HIF3A: variants seen among roughly 807,000 people sequenced by gnomAD.
HIF3A encodes the protein hypoxia-inducible factor 3-alpha.
A neutral mutation model predicts 67.2 loss-of-function variants in HIF3A; 41 were observed. That is an observed-to-expected ratio of 0.61 (90% CI 0.48 to 0.79). HIF3A has a LOEUF of 0.79. HIF3A is among the 30% of genes least tolerant of loss of function. HIF3A has a pLI of 0.00. For synonymous variants in HIF3A, 356 were observed against 374.8 expected (o/e 0.95, Z 0.58); for missense variants, 855 against 898.0 (o/e 0.95, Z 0.61).
intron 13 of HIF3A, among the ~76,000 whole-genome samples, chr19:46,332,593 C>T (rs1971313517): frequency 6.6e-6 from 1 of 152,186 alleles, no homozygotes; most frequent in Admixed American, 6.5e-5. Context: ...TGCAAGGCCT[C>T]CCTCTAGGAC....
rs1168577004 is a variant in HIF3A at position 46,308,419 on chromosome 19, G to T, written c.448+114G>T. 12 of 735,800 alleles carry T rather than the reference G, an allele frequency of 1.6e-5. No individual in the cohort carries two copies. In the East Asian group the frequency reaches 2.8e-4, roughly 17 times the overall value. 45.6% of individuals were successfully genotyped at this position (735,800 alleles called of 1,614,324 possible). A position where few individuals can be genotyped will look rare whatever the true frequency, so the allele number is the denominator to read the frequency against. ...AACACCAGACTAAGACAAGTAGGAA[G>T]AGGAGAGATGGCCCTGCCCTGGGGT... is the stretch of plus-strand genomic sequence containing the variant. On this transcript the variant is annotated intron_variant, in intron 4 of 14. Transcript: ENST00000377670.
intron 1 of HIF3A, among the ~76,000 whole-genome samples, chr19:46,301,701 CTG>C (rs570725390): frequency 1.1e-4 from 17 of 152,036 alleles, no homozygotes; most frequent in African/African-American, 4.1e-4. Flanking sequence ...TGGCAGATGT[CTG>C]TAATCCCAGC....
chr19:46,312,441 C>A, intron 7 of HIF3A, 65 bp from the exon 8 acceptor site: 1 of 1,598,378 alleles, frequency 6.3e-7, no homozygotes, highest in South Asian at 1.1e-5. Context: ...ATACCCAGTC[C>A]CCAGATATTT....
At position 46,305,302 on chromosome 19, in the gene HIF3A, C is replaced by A; in HGVS notation, c.275C>A (p.Ala92Asp). The A allele has an allele frequency of 6.2e-7, 1 of 1,614,094 alleles. No homozygotes were observed. ...CCACTGGATGCCTGCTACCTGAAGGCCCTGGAGGGCTTCGTCATGGTGCTC... is the reference window on the plus strand; with the variant it reads ...CCACTGGATGCCTGCTACCTGAAGGACCTGGAGGGCTTCGTCATGGTGCTC... Reference protein sequence around the residue: ...GEPLDACYLKALEGFVMVLTA... With the variant: ...GEPLDACYLKDLEGFVMVLTA... The change falls in exon 3 of 15, where the codon GCC becomes GAC. Residue 92 changes from alanine (A) to aspartate (D), a missense_variant. By Grantham distance (126) the Ala-to-Asp change is moderately radical. Around this residue, in one of 3 missense-constraint regions of HIF3A, gnomAD observed 638 missense variants for 660.5 expected, o/e 0.97. Transcript: ENST00000377670.
At chr19:46,312,024 C>A (rs1375172926) in intron 6 of HIF3A, 137 bp from the exon 7 acceptor site, 1 of 784,198 alleles carries the variant, frequency 1.3e-6, no homozygotes, top group African/African-American at 1.7e-5. Context: ...CTGTTTCTTA[C>A]TCCTTTTCTC....
Position 46,308,690 on chromosome 19 carries a change from C to T in HIF3A, c.476C>T (p.Pro159Leu), listed in dbSNP as rs748141870. Residue 159 changes from proline (P) to leucine (L), a missense_variant, in exon 5 of 15, where the codon CCC (proline) becomes CTC (leucine). Around this residue, in one of 3 missense-constraint regions of HIF3A, gnomAD observed 638 missense variants for 660.5 expected, o/e 0.97. Coordinates refer to ENST00000377670, the MANE Select transcript of HIF3A (RefSeq NM_152795.4). ...QTLSRRKVEAPTERCFSLRMK... is the reference protein window; with the variant it reads ...QTLSRRKVEALTERCFSLRMK... Reference sequence around the variant, plus strand: ...CTGTCCAGGAGGAAGGTGGAGGCCCCCACGGAGCGGTGCTTCTCCTTGCGC... The same window carrying T: ...CTGTCCAGGAGGAAGGTGGAGGCCCTCACGGAGCGGTGCTTCTCCTTGCGC... 1.2e-6 allele frequency: 2 copies of T among 1,608,964 alleles called. No homozygotes were observed. Among genetic ancestry groups the T allele is most frequent in the Non-Finnish European group, 1.7e-6 (2 of 1,178,068 alleles).
chr19:46,303,809 G>T (rs1056553130), intron 1 of HIF3A, 89 bp from the exon 2 acceptor site: 3 of 1,516,550 alleles, frequency 2.0e-6, no homozygotes, highest in African/African-American at 1.4e-5. Flanking sequence ...CACGAGCCCC[G>T]GCCCCACGTG....
Position 46,297,313 on chromosome 19 carries a change from G to A in HIF3A, c.26+211G>A, listed in dbSNP as rs1359800584. 2.0e-5 allele frequency among the ~76,000 whole-genome samples: 3 copies of A among 152,134 alleles called. No homozygotes were observed. Among genetic ancestry groups the A allele is most frequent in the Admixed American group, 1.3e-4 (2 of 15,288 alleles). ...ACGTCTCTGGCTGCCCCGCCCCTCT[G>A]GCCAAGAGCGGCTTCGGGGTTCCCG... is the stretch of plus-strand genomic sequence containing the variant. On this transcript the variant is annotated intron_variant, in intron 1 of 14. Coordinates refer to ENST00000377670, the MANE Select transcript of HIF3A (RefSeq NM_152795.4). This position sits in a 1 kb window ranked among gnomAD's most constrained non-coding sequence, Gnocchi z 4.5.
intron 4 of HIF3A, 169 bp from the exon 5 acceptor site, chr19:46,308,494 T>A (rs535068598): frequency 1.6e-6 from 1 of 630,406 alleles, no homozygotes; most frequent in South Asian, 2.0e-5. Flanking sequence ...GACACAGCCC[T>A]GCCCTGGGGG....
chr19:46,339,656 C>T lies in HIF3A; in HGVS notation c.*34C>T. On this transcript the variant is annotated 3_prime_UTR_variant, in exon 15 of 15. Transcript: ENST00000377670. The stretch of plus-strand genomic sequence containing the variant: ...CTCTCCCCATCTGCCTTCTCCTCCC[C>T]CAGAAAGGACCTCAACCACACTCCA... The T allele has an allele frequency of 1.4e-6, 2 of 1,475,968 alleles. No individual in the cohort carries two copies. The highest frequency in any genetic ancestry group is 1.2e-5 in the South Asian group (1 of 83,088). The allele number at this position is 1,475,968 out of a possible 1,614,324, so 91.4% of individuals were successfully genotyped here.
At chr19:46,311,989 T>C in intron 6 of HIF3A, 172 bp from the exon 7 acceptor site, 1 of 766,368 alleles carries the variant, frequency 1.3e-6, no homozygotes, top group Non-Finnish European at 2.4e-6. Context: ...GGGGTCATTA[T>C]TCAACCCACC....
At chr19:46,328,338 G>T (rs1402959727) in intron 11 of HIF3A, among the ~76,000 whole-genome samples, 1 of 152,176 alleles carries the variant, frequency 6.6e-6, no homozygotes, top group Non-Finnish European at 1.5e-5. Context: ...CTCTCTTTGG[G>T]TAAAGTTAAT....
rs769218297 is a variant in HIF3A, at chr19:46,341,198, CT to C, written c.*1595del. 0.047 allele frequency: 6,294 copies of C among 134,996 alleles called. 131 individuals are homozygous for C. Among genetic ancestry groups the C allele is most frequent in the African/African-American group, 0.093 (3,347 of 36,098 alleles). The allele number at this position is 134,996 out of a possible 1,614,324, so 8.4% of individuals were successfully genotyped here. A position where few individuals can be genotyped will look rare whatever the true frequency, so the allele number is the denominator to read the frequency against. On this transcript the variant is annotated 3_prime_UTR_variant, in exon 15 of 15. Coordinates refer to ENST00000377670, the MANE Select transcript of HIF3A (RefSeq NM_152795.4). ...CAAATCCAGACCTCTTAATCTCTCTCTTTTTTTTTTTTTTTTTTTGAGACAG... is the reference window on the plus strand; with the variant it reads ...CAAATCCAGACCTCTTAATCTCTCTCTTTTTTTTTTTTTTTTTTGAGACAG...
intron 8 of HIF3A, chr19:46,313,223 C>T: frequency 1.2e-6 from 1 of 861,936 alleles, no homozygotes; most frequent in Non-Finnish European, 1.4e-6. Flanking sequence ...TGCACTCTGG[C>T]CTCGGCAACA....
chr19:46,310,160 G>A (rs993317406), intron 6 of HIF3A, among the ~76,000 whole-genome samples: 1 of 152,200 alleles, frequency 6.6e-6, no homozygotes, highest in Non-Finnish European at 1.5e-5. Flanking sequence ...GGGAGGCGGA[G>A]GTTGCAGTGA....
intron 10 of HIF3A, among the ~76,000 whole-genome samples, chr19:46,322,882 C>T (rs1172560553): frequency 3.9e-5 from 6 of 152,200 alleles, no homozygotes; most frequent in South Asian, 2.1e-4. Flanking sequence ...TGTAGGGTTT[C>T]GGAGCTTCCA....
intron 14 of HIF3A, chr19:46,338,116 A>G (rs941023626): frequency 2.2e-6 from 1 of 445,458 alleles, no homozygotes; most frequent in Admixed American, 2.4e-5. Context: ...CCATAAGGGC[A>G]GGGAGATTCA....
Position 46,305,315 on chromosome 19 carries a change from C to T in HIF3A, c.288C>T (p.Phe96=), listed in dbSNP as rs978990767. The part of the protein sequence containing the change: ...DACYLKALEG[F]VMVLTAEGDM... ...GCTACCTGAAGGCCCTGGAGGGCTT[C>T]GTCATGGTGCTCACCGCCGAGGGAG... Residue 96 remains phenylalanine, a synonymous_variant, in exon 3 of 15, where the codon TTC becomes TTT. Coordinates refer to ENST00000377670, the MANE Select transcript of HIF3A (RefSeq NM_152795.4). 2 of 1,614,000 alleles carry T rather than the reference C, an allele frequency of 1.2e-6. No individual in the cohort carries two copies. Among genetic ancestry groups the T allele is most frequent in the East Asian group, 2.2e-5 (1 of 44,898 alleles).
chr19:46,309,867 G>T (rs1969277740), intron 6 of HIF3A, among the ~76,000 whole-genome samples: 1 of 151,974 alleles, frequency 6.6e-6, no homozygotes, highest in South Asian at 2.1e-4. Flanking sequence ...CGGGAGAATT[G>T]CTTGAGACCA....
Sources: gnomAD v4.1 joint callset for allele counts (sites outside exome capture counted in the v4.1 genomes callset) on GRCh38, gnomAD v4.1.1 for gene constraint, gnomAD v4.1.1 regional missense constraint, Gnocchi (gnomAD v3.1) non-coding constraint, MANE v1.5 for transcripts, NCBI Gene and HGNC (gene_info 2026-07-23, HGNC 2026-07-21) for gene names.